Variants in BNC2 observed in about 807,000 individuals in gnomAD.
BNC2 encodes the protein zinc finger protein basonuclin-2.
In BNC2, 20 loss-of-function variants were observed where a neutral mutation model predicts 76.3. That is an observed-to-expected ratio of 0.26 (90% CI 0.18 to 0.38). The LOEUF is 0.38. Among genes scored for constraint, BNC2 ranks in the 10% least tolerant of loss-of-function variants. The pLI is 1.00. For missense variants in BNC2, 1,382 were observed against 1,399.8 expected, an observed-to-expected ratio of 0.99 and a Z score of 0.20; for synonymous variants, 582 against 514.8, an observed-to-expected ratio of 1.13 and a Z score of -1.77.
intron 4 of BNC2, among the ~76,000 whole-genome samples, chr9:16,572,805 C>T (rs1019671982): frequency 6.6e-6 from 1 of 152,058 alleles, no homozygotes; most frequent in African/African-American, 2.4e-5. Context: ...GGGACAAGAG[C>T]CTGGATTTAG....
chr9:16,413,790 AG>A lies in BNC2; in HGVS notation c.*5198del, dbSNP rs954833039. The A allele has an allele frequency of 6.6e-6, 1 of 152,218 alleles. No homozygotes were observed. The highest frequency in any genetic ancestry group is 1.5e-5 in the Non-Finnish European group (1 of 68,052). 9.4% of individuals were successfully genotyped at this position (152,218 alleles called of 1,614,324 possible). On this transcript the variant is annotated 3_prime_UTR_variant, in exon 7 of 7. Coordinates refer to ENST00000380672, the MANE Select transcript of BNC2 (RefSeq NM_017637.6). ...ATCTCTGAGGGAAAATGTGAAGAGA[AG>A]TTACTTACATACCTCATAGAACAGT...
At chr9:16,469,158 T>G (rs530078037) in intron 5 of BNC2, among the ~76,000 whole-genome samples, 1 of 151,862 alleles carries the variant, frequency 6.6e-6, no homozygotes, top group Non-Finnish European at 1.5e-5. Flanking sequence ...GGAGTAAAAC[T>G]TGCTTTCACC....
chr9:16,655,070 AG>A (rs1469552451), intron 3 of BNC2, among the ~76,000 whole-genome samples: 9 of 151,986 alleles, frequency 5.9e-5, no homozygotes, highest in African/African-American at 2.2e-4. Flanking sequence ...AATGATTAAA[AG>A]GGGTCTCACT....
At chr9:16,635,185 T>C (rs551521489) in intron 3 of BNC2, among the ~76,000 whole-genome samples, 2 of 152,198 alleles carry the variant, frequency 1.3e-5, no homozygotes, top group African/African-American at 2.4e-5. Context: ...TTTCTCACTG[T>C]AGTTAAAAAG....
At chr9:16,740,628 G>A (rs375858844) in intron 1 of BNC2, among the ~76,000 whole-genome samples, 130 of 152,276 alleles carry the variant, frequency 8.5e-4, no homozygotes, top group Middle Eastern at 3.4e-3. Flanking sequence ...AAACAAGTAA[G>A]AGAAACGTGG....
chr9:16,667,759 T>G (rs1240147008), intron 3 of BNC2, among the ~76,000 whole-genome samples: 1 of 152,162 alleles, frequency 6.6e-6, no homozygotes, highest in Non-Finnish European at 1.5e-5. Context: ...AGCATATGTT[T>G]TGAGGACCTA....
chr9:16,439,296 G>A (rs185362767), intron 5 of BNC2, among the ~76,000 whole-genome samples: 1 of 152,210 alleles, frequency 6.6e-6, no homozygotes. Flanking sequence ...AAATCATCAG[G>A]CAAACCAAAA....
chr9:16,673,477 G>C (rs2134204357), intron 3 of BNC2, among the ~76,000 whole-genome samples: 1 of 150,902 alleles, frequency 6.6e-6, no homozygotes, highest in African/African-American at 2.4e-5. Context: ...CAACTGAGAG[G>C]TGGAGGCATT....
chr9:16,543,562 G>A (rs541661912), intron 5 of BNC2, among the ~76,000 whole-genome samples: 4 of 152,198 alleles, frequency 2.6e-5, no homozygotes, highest in South Asian at 2.1e-4. Flanking sequence ...ATCCTATTCC[G>A]GCAGTCACTG....
At chr9:16,724,678 A>G (rs571379913) in intron 3 of BNC2, among the ~76,000 whole-genome samples, 5 of 152,268 alleles carry the variant, frequency 3.3e-5, no homozygotes, top group African/African-American at 9.6e-5. Context: ...AGACAGAATG[A>G]AAGATGTACA....
At chr9:16,441,510 A>C (rs1463415511) in intron 5 of BNC2, among the ~76,000 whole-genome samples, 4 of 152,304 alleles carry the variant, frequency 2.6e-5, no homozygotes, top group Admixed American at 2.0e-4. Context: ...AGAAATGCCA[A>C]GTTTTTTTCT....
chr9:16,869,364 C>T (rs1819619135), intron 1 of BNC2, among the ~76,000 whole-genome samples: 1 of 152,132 alleles, frequency 6.6e-6, no homozygotes, highest in South Asian at 2.1e-4. Context: ...TTCAAAACCA[C>T]TTTAATTTCT....
chr9:16,814,582 CT>C (rs1360290143), intron 1 of BNC2, among the ~76,000 whole-genome samples: 1 of 152,174 alleles, frequency 6.6e-6, no homozygotes, highest in Non-Finnish European at 1.5e-5. Flanking sequence ...GTTAAACTAC[CT>C]TTGGAAGTGT....
At chr9:16,591,899 T>TA (rs1320116294) in intron 3 of BNC2, among the ~76,000 whole-genome samples, 2 of 152,154 alleles carry the variant, frequency 1.3e-5, no homozygotes, top group African/African-American at 4.8e-5. Context: ...AGCAAGCTGG[T>TA]AAAAAATGAT....
chr9:16,861,317 G>A (rs2136208535), intron 1 of BNC2, among the ~76,000 whole-genome samples: 1 of 151,578 alleles, frequency 6.6e-6, no homozygotes, highest in African/African-American at 2.4e-5. Flanking sequence ...TCATACCACT[G>A]CACTCCAACC....
chr9:16,532,416 G>A (rs1347642346), intron 5 of BNC2, among the ~76,000 whole-genome samples: 8 of 152,006 alleles, frequency 5.3e-5, no homozygotes, highest in Non-Finnish European at 1.2e-4. Flanking sequence ...AACAGAAAAT[G>A]GCTGCTTTTC....
In BNC2 at chr9:16,473,596, C is replaced by A. The variant is rs150215262; in HGVS notation, c.670-36072G>T. Among the ~76,000 whole-genome samples the A allele has an allele frequency of 2.6e-5, 4 of 152,090 alleles. No homozygotes were observed. In the East Asian group the frequency reaches 7.7e-4, roughly 29 times the overall value. On this transcript the variant is annotated intron_variant, in intron 5 of 6. Coordinates refer to ENST00000380672, the MANE Select transcript of BNC2 (RefSeq NM_017637.6). ...TCTCATGAAGATACGATGATGGGAC[C>A]GGGCGTGGTGGCTCATGCGTAATCC... is the stretch of plus-strand genomic sequence containing the variant.
intron 1 of BNC2, among the ~76,000 whole-genome samples, chr9:16,861,121 C>T (rs1306950001): frequency 6.7e-6 from 1 of 150,200 alleles, no homozygotes; most frequent in East Asian, 2.0e-4. Context: ...GAAACAGGAT[C>T]GCTTGAGGCC....
rs1368008339 is a variant in BNC2, at chr9:16,436,976, C to T, written c.1218G>A (p.Gln406=). 1.9e-6 allele frequency: 3 copies of T among 1,613,978 alleles called. No individual in the cohort carries two copies. The highest frequency in any genetic ancestry group is 2.5e-6 in the Non-Finnish European group (3 of 1,180,024). Residue 406 remains glutamine (Q), a synonymous_variant, in exon 6 of 7, where the codon CAG becomes CAA. Transcript: ENST00000380672. The part of the protein sequence containing the change: ...KTEPACVSPI[Q]NSAPVSDLTK... ...TTAGATCACTGACTGGGGCAGAATT[C>T]TGAATGGGAGAGACACAGGCTGGCT...
Sources: allele counts gnomAD v4.1 joint callset (sites outside exome capture counted in the v4.1 genomes callset), GRCh38; gene constraint gnomAD v4.1.1; transcripts MANE v1.5; gene names NCBI Gene and HGNC (gene_info 2026-07-23, HGNC 2026-07-21).